SFMBT2: variants seen among roughly 807,000 people sequenced by gnomAD.
SFMBT2 encodes Scm like with four mbt domains 2, also known as scm-like with four MBT domains protein 2.
In SFMBT2, 38 loss-of-function variants were observed where a neutral mutation model predicts 110.1. That is an observed-to-expected ratio of 0.35 (90% CI 0.27 to 0.45). The LOEUF (loss-of-function observed/expected upper bound fraction) is 0.45, where lower values mean the gene tolerates loss of function less well. Ranked by LOEUF, SFMBT2 falls within the 20% of genes least tolerant of loss-of-function variation. The pLI is 1.00. For missense variants in SFMBT2, 1,011 were observed against 1,094.9 expected (o/e 0.92, Z 1.08); for synonymous variants, 425 against 425.4 (o/e 1.00, Z 0.01).
chr10:7,294,925 C>T (rs1842361000), intron 4 of SFMBT2, among the ~76,000 whole-genome samples: 1 of 152,192 alleles, frequency 6.6e-6, no homozygotes, highest in South Asian at 2.1e-4. Flanking sequence ...CTTCTGGGAA[C>T]TCCCTATTCA....
chr10:7,290,697 C>T (rs949936730), intron 4 of SFMBT2, among the ~76,000 whole-genome samples: 8 of 151,812 alleles, frequency 5.3e-5, no homozygotes, highest in African/African-American at 1.9e-4. Context: ...CTTAGCTGGG[C>T]ATGGTAGTGG....
intron 7 of SFMBT2, 67 bp downstream of exon 7, chr10:7,276,825 C>A: frequency 1.2e-6 from 1 of 805,232 alleles, no homozygotes; most frequent in Non-Finnish European, 2.2e-6. Flanking sequence ...TGCGCCCGGC[C>A]GGAAAACTTT....
Position 7,408,249 on chromosome 10 carries a change from C to T in SFMBT2, c.-52+2612G>A, listed in dbSNP as rs138712557. Among the ~76,000 whole-genome samples the T allele has an allele frequency of 0.011, 1,624 of 152,310 alleles. 11 individuals are homozygous for T. The highest frequency in any genetic ancestry group is 0.016 in the Non-Finnish European group (1,089 of 68,028). ...GGCCCCGGGAGGGCGCGCCCAAACG[C>T]AGGCTGGAGGAGCCACGGACGCGTC... On this transcript the variant is annotated intron_variant, in intron 1 of 20. Transcript: ENST00000397167. The surrounding 1 kb of genome is among the most constrained non-coding windows in gnomAD (Gnocchi z 5.7).
chr10:7,273,330 G>A (rs10905145), intron 7 of SFMBT2, among the ~76,000 whole-genome samples: 80,830 of 151,732 alleles, frequency 0.53, 21,963 homozygotes, highest in East Asian at 0.79. Flanking sequence ...TCCTAAGTTG[G>A]GTCCTACTCC....
chr10:7,190,245 G>A (rs371155954), intron 15 of SFMBT2, among the ~76,000 whole-genome samples: 17 of 152,122 alleles, frequency 1.1e-4, no homozygotes, highest in African/African-American at 4.1e-4. Context: ...ATTGTTTACT[G>A]TCAGTACAAT....
intron 1 of SFMBT2, among the ~76,000 whole-genome samples, chr10:7,391,249 C>T (rs1300670534): frequency 2.0e-5 from 3 of 150,460 alleles, no homozygotes; most frequent in Admixed American, 6.6e-5. Context: ...GGGTGGATCA[C>T]GAGGTCAGGA....
chr10:7,368,161 A>G (rs1844963060), intron 3 of SFMBT2: 1 of 279,956 alleles, frequency 3.6e-6, no homozygotes, highest in Non-Finnish European at 5.4e-6. Flanking sequence ...TCACCTCAAC[A>G]TGTAATCAAT....
chr10:7,201,342 T>A (rs1442519543), intron 13 of SFMBT2, among the ~76,000 whole-genome samples: 1 of 152,168 alleles, frequency 6.6e-6, no homozygotes, highest in African/African-American at 2.4e-5. Context: ...TGCTCCAAGC[T>A]CTCTAAGTGA....
chr10:7,293,051 C>T lies in SFMBT2; in HGVS notation c.437-7097G>A, dbSNP rs1423364753. 1.3e-5 allele frequency among the ~76,000 whole-genome samples: 2 copies of T among 152,126 alleles called. No individual in the cohort carries two copies. The highest frequency in any genetic ancestry group is 6.5e-5 in the Admixed American group (1 of 15,270). ...AATTGTTGGAAGCAAATGACACAGC[C>T]CTATCACAGTGATGACATTAGGGTG... is the stretch of plus-strand genomic sequence containing the variant. On this transcript the variant is annotated intron_variant, in intron 4 of 20. Coordinates refer to ENST00000397167, the MANE Select transcript of SFMBT2 (RefSeq NM_001387889.1). The surrounding 1 kb of genome is among the most constrained non-coding windows in gnomAD (Gnocchi z 4.6).
intron 11 of SFMBT2, chr10:7,214,565 A>G: frequency 1.0e-6 from 1 of 985,454 alleles, no homozygotes; most frequent in South Asian, 4.7e-5. Context: ...AATTCTACGG[A>G]CTTATGGGAT....
intron 4 of SFMBT2, among the ~76,000 whole-genome samples, chr10:7,346,924 A>G (rs1229128394): frequency 2.0e-5 from 3 of 151,912 alleles, no homozygotes; most frequent in Admixed American, 1.3e-4. Context: ...CAGGAGGTGG[A>G]GGTTACAGTA....
rs145664743 is a variant in SFMBT2 at position 7,248,064 on chromosome 10, T to A, written c.972+484A>T. Among the ~76,000 whole-genome samples the A allele has an allele frequency of 3.3e-5, 5 of 152,322 alleles. No homozygotes were observed. In the East Asian group the frequency reaches 9.6e-4, roughly 29 times the overall value. On this transcript the variant is annotated intron_variant, in intron 8 of 20. Coordinates refer to ENST00000397167, the MANE Select transcript of SFMBT2 (RefSeq NM_001387889.1). ...ACAGATCATTATAAAAATGTCTTTATGTTAAAAGGTAATTTTATTGTGAAT... is the reference window on the plus strand; with the variant it reads ...ACAGATCATTATAAAAATGTCTTTAAGTTAAAAGGTAATTTTATTGTGAAT...
chr10:7,395,922 G>A (rs1296031259), intron 1 of SFMBT2, among the ~76,000 whole-genome samples: 1 of 152,130 alleles, frequency 6.6e-6, no homozygotes, highest in African/African-American at 2.4e-5. Flanking sequence ...GTTTGCTGAT[G>A]TTGCAGAGTA....
chr10:7,219,978 C>T (rs576569128), intron 11 of SFMBT2: 41 of 152,380 alleles, frequency 2.7e-4, no homozygotes, highest in African/African-American at 9.6e-4. Flanking sequence ...GAAAGTCATC[C>T]TCCAGGTACT....
At chr10:7,193,166 C>T (rs1838654588) in intron 15 of SFMBT2, among the ~76,000 whole-genome samples, 1 of 152,154 alleles carries the variant, frequency 6.6e-6, no homozygotes, top group Non-Finnish European at 1.5e-5. Context: ...AGCTCCTGAA[C>T]CTGGACTGCC....
At chr10:7,219,915 T>C (rs1366784736) in intron 11 of SFMBT2, 1 of 156,972 alleles carries the variant, frequency 6.4e-6, no homozygotes. Flanking sequence ...AAAGGATAGT[T>C]TCAACATCAC....
intron 1 of SFMBT2, among the ~76,000 whole-genome samples, chr10:7,392,325 G>A (rs895025742): frequency 1.3e-5 from 2 of 152,102 alleles, no homozygotes; most frequent in Admixed American, 6.5e-5. Flanking sequence ...GACCAGCCTG[G>A]GCAACATGCA....
At chr10:7,216,870 C>T (rs1351034916) in intron 11 of SFMBT2, among the ~76,000 whole-genome samples, 1 of 152,188 alleles carries the variant, frequency 6.6e-6, no homozygotes, top group African/African-American at 2.4e-5. Flanking sequence ...CCTGGGGACA[C>T]TTCCAAGGAA....
At chr10:7,376,559 C>T (rs574568895) in intron 2 of SFMBT2, among the ~76,000 whole-genome samples, 2 of 150,660 alleles carry the variant, frequency 1.3e-5, no homozygotes, top group Non-Finnish European at 3.0e-5. Flanking sequence ...ATTAGCCAGG[C>T]GTGGTGGTGG....
Sources: gnomAD v4.1 joint callset for allele counts (sites outside exome capture counted in the v4.1 genomes callset) on GRCh38, gnomAD v4.1.1 for gene constraint, Gnocchi (gnomAD v3.1) non-coding constraint, MANE v1.5 for transcripts, NCBI Gene and HGNC (gene_info 2026-07-23, HGNC 2026-07-21) for gene names.